WDFY2: variants seen among roughly 807,000 people sequenced by gnomAD.
WDFY2 encodes WD repeat and FYVE domain-containing protein 2.
Under a neutral mutation model 56.4 loss-of-function variants are expected in WDFY2, and 36 were observed. That is an observed-to-expected ratio of 0.64 (90% CI 0.49 to 0.84). The LOEUF (loss-of-function observed/expected upper bound fraction) is 0.84. Ranked by LOEUF, WDFY2 falls within the 40% of genes least tolerant of loss-of-function variation. The probability of loss-of-function intolerance (pLI) is 0.00; values close to 1 mark genes in which losing one functional copy is unlikely to be tolerated. For missense variants in WDFY2, 444 were observed against 512.2 expected (o/e 0.87, Z 1.29); for synonymous variants, 176 against 183.7 (o/e 0.96, Z 0.34).
intron 3 of WDFY2, among the ~76,000 whole-genome samples, chr13:51,677,961 G>A (rs1030598189): frequency 6.6e-6 from 1 of 152,188 alleles, no homozygotes; most frequent in Admixed American, 6.5e-5. Context: ...CATCTACTGA[G>A]AGAAGGTAAA....
chr13:51,767,293 G>A lies in WDFY2; in HGVS notation c.*7524G>A, dbSNP rs1200216684. ...CCATCATCCTCCTGCAGAAAAGGAG[G>A]CATGCAGTTAAATGGAGCTGGTGCT... On this transcript the variant is annotated 3_prime_UTR_variant, in exon 12 of 12. Coordinates refer to ENST00000298125, the MANE Select transcript of WDFY2 (RefSeq NM_052950.4). 6.6e-6 allele frequency: 1 copy of A among 152,246 alleles called. No homozygotes were observed. Among genetic ancestry groups the A allele is most frequent in the African/African-American group, 2.4e-5 (1 of 41,456 alleles). 9.4% of individuals were successfully genotyped at this position (152,246 alleles called of 1,614,324 possible).
At position 51,660,562 on chromosome 13, in the gene WDFY2, T is replaced by C. The variant is rs1428818020; in HGVS notation, c.138-34T>C. ...AGCATTTTCCCATGGCTAAGAATAA[T>C]GTGATTTCATGTACATATTTTCTTC... On this transcript the variant is annotated intron_variant, in intron 1 of 11. Transcript: ENST00000298125. The C allele has an allele frequency of 4.4e-6, 7 of 1,588,876 alleles. No homozygotes were observed. The Admixed American group carries it at 8.3e-5, about 19-fold the overall frequency.
At chr13:51,729,066 G>A (rs1427831430) in intron 6 of WDFY2, among the ~76,000 whole-genome samples, 1 of 152,096 alleles carries the variant, frequency 6.6e-6, no homozygotes. Flanking sequence ...TCCCAGTGGT[G>A]CATCGCTTCA....
At chr13:51,623,150 G>GCATGGCCTTA (rs1954771010) in intron 1 of WDFY2, among the ~76,000 whole-genome samples, 2 of 151,904 alleles carry the variant, frequency 1.3e-5, no homozygotes, top group Admixed American at 1.3e-4. Context: ...GAGCCACCGT[G>GCATGGCCTTA]CATGGCCTTA....
At chr13:51,667,879 CTT>C (rs66771214) in intron 2 of WDFY2, among the ~76,000 whole-genome samples, 113 of 50,002 alleles carry the variant, frequency 2.3e-3, no homozygotes, top group African/African-American at 7.5e-3. Context: ...TGAGGAACTT[CTT>C]TTTTTTTTTT....
intron 3 of WDFY2, among the ~76,000 whole-genome samples, chr13:51,683,887 A>G (rs775693420): frequency 6.6e-6 from 1 of 152,110 alleles, no homozygotes; most frequent in East Asian, 1.9e-4. Context: ...CTTGGATGCT[A>G]CAGTGACCCA....
In WDFY2 at chr13:51,671,056, C is replaced by T. The variant is rs185146134; in HGVS notation, c.206-4114C>T. Among the ~76,000 whole-genome samples, 35 of 152,262 alleles carry T rather than the reference C, an allele frequency of 2.3e-4. No individual in the cohort carries two copies. In the East Asian group the frequency reaches 6.6e-3, roughly 28 times the overall value. On this transcript the variant is annotated intron_variant, in intron 2 of 11. Transcript: ENST00000298125. The stretch of plus-strand genomic sequence containing the variant: ...TGCTGTGAATGGCATTATTTTGTTA[C>T]TTTTTTATGGCTGAGTAATATTCCC...
intron 1 of WDFY2, among the ~76,000 whole-genome samples, chr13:51,641,543 C>T (rs565364069): frequency 9.6e-4 from 145 of 151,498 alleles, no homozygotes; most frequent in African/African-American, 3.2e-3. Context: ...AATATTTTGT[C>T]GGGCCGGGCG....
At chr13:51,669,401 T>C (rs1955769068) in intron 2 of WDFY2, among the ~76,000 whole-genome samples, 3 of 152,214 alleles carry the variant, frequency 2.0e-5, no homozygotes, top group Admixed American at 6.5e-5. Context: ...GGTGAGACTC[T>C]GACAGGCCAG....
chr13:51,756,560 TTCTGCTGGTTTAGAATATAG>T, intron 10 of WDFY2, 98 bp downstream of exon 10: 1 of 1,473,032 alleles, frequency 6.8e-7, no homozygotes, highest in Non-Finnish European at 9.0e-7. Context: ...TTGCTCTAGT[TTCTGCTGGTTTAGAATATAG>T]TCCACGGCAA....
At position 51,709,229 on chromosome 13, in the gene WDFY2, C is replaced by T. The variant is rs192084164; in HGVS notation, c.334+5579C>T. On this transcript the variant is annotated intron_variant, in intron 4 of 11. Coordinates refer to ENST00000298125, the MANE Select transcript of WDFY2 (RefSeq NM_052950.4). ...TTTATTTATACATTATTTTCAAGTA[C>T]GTGGAGAAATATTTATCAAGACAGA... Among the ~76,000 whole-genome samples the T allele has an allele frequency of 5.3e-3, 808 of 152,026 alleles. 9 individuals carry two copies. Among genetic ancestry groups the T allele is most frequent in the Middle Eastern group, 0.02 (6 of 294 alleles).
At chr13:51,735,604 C>T (rs1176801326) in intron 6 of WDFY2, among the ~76,000 whole-genome samples, 1 of 152,198 alleles carries the variant, frequency 6.6e-6, no homozygotes, top group Non-Finnish European at 1.5e-5. Flanking sequence ...ATCATCTTAT[C>T]ATTGTACATT....
chr13:51,753,816 T>C (rs1953294307), intron 8 of WDFY2, among the ~76,000 whole-genome samples: 1 of 152,040 alleles, frequency 6.6e-6, no homozygotes, highest in Non-Finnish European at 1.5e-5. Flanking sequence ...CCGGGCACGG[T>C]GGCTCACGCC....
chr13:51,708,129 G>T (rs1299175125), intron 4 of WDFY2, among the ~76,000 whole-genome samples: 7 of 151,282 alleles, frequency 4.6e-5, no homozygotes, highest in Admixed American at 4.0e-4. Context: ...CGATCCACCT[G>T]CCTTGGCTTC....
intron 3 of WDFY2, among the ~76,000 whole-genome samples, chr13:51,679,589 T>A (rs1219151599): frequency 6.6e-6 from 1 of 152,154 alleles, no homozygotes; most frequent in Non-Finnish European, 1.5e-5. Flanking sequence ...GTTGTTTTGG[T>A]AGTTCTTGTG....
chr13:51,598,905 C>CTTTTTT (rs569169884), intron 1 of WDFY2, among the ~76,000 whole-genome samples: 19 of 115,740 alleles, frequency 1.6e-4, no homozygotes, highest in Non-Finnish European at 1.8e-4. Context: ...GTGCCATTTA[C>CTTTTTT]TTTTTTTTTT....
intron 2 of WDFY2, among the ~76,000 whole-genome samples, chr13:51,665,612 A>T (rs1230387297): frequency 6.6e-6 from 1 of 152,188 alleles, no homozygotes; most frequent in African/African-American, 2.4e-5. Flanking sequence ...TGGTGGAAAG[A>T]GTTGGAGATT....
chr13:51,732,105 C>T (rs115347626), intron 6 of WDFY2, among the ~76,000 whole-genome samples: 79 of 152,168 alleles, frequency 5.2e-4, no homozygotes, highest in African/African-American at 1.7e-3. Context: ...ATGAAAAAGT[C>T]GTAAAGTAAC....
chr13:51,687,900 G>C (rs1956088256), intron 3 of WDFY2, among the ~76,000 whole-genome samples: 1 of 152,108 alleles, frequency 6.6e-6, no homozygotes, highest in East Asian at 1.9e-4. Context: ...CATTCAGAAG[G>C]ATAGGTTTGA....
Sources: allele counts gnomAD v4.1 joint callset (sites outside exome capture counted in the v4.1 genomes callset), GRCh38; gene constraint gnomAD v4.1.1; transcripts MANE v1.5; gene names NCBI Gene and HGNC (gene_info 2026-07-23, HGNC 2026-07-21).